The following LHFPL2 variants were observed in gnomAD, a reference collection of about 807,000 sequenced individuals.
The protein encoded by LHFPL2 is LHFPL tetraspan subfamily member 2 protein.
A neutral mutation model predicts 17.5 loss-of-function variants in LHFPL2; 7 were observed. The observed-to-expected ratio is 0.40, with a 90% CI of 0.23 to 0.75. LHFPL2 has a LOEUF of 0.75. Among genes scored for constraint, LHFPL2 ranks in the 30% least tolerant of loss-of-function variants. The pLI, the probability that LHFPL2 is intolerant of heterozygous loss-of-function variation, is 0.37. For synonymous variants in LHFPL2, 134 were observed against 116.2 expected (o/e 1.15, Z -0.99); for missense variants, 241 against 294.8 (o/e 0.82, Z 1.34).
chr5:78,629,980 A>G lies in LHFPL2; in HGVS notation c.-245+2284T>C, dbSNP rs1210814324. Among the ~76,000 whole-genome samples the G allele has an allele frequency of 2.0e-5, 3 of 152,254 alleles. No homozygotes were observed. The East Asian group carries it at 5.8e-4, about 29-fold the overall frequency. On this transcript the variant is annotated intron_variant, in intron 2 of 4. Transcript: ENST00000380345. ...TATTAACAAGTCCAAAACACGTATG[A>G]CAAGTTCAGAAGCTTTAAGGAGATT...
At chr5:78,638,263 G>C (rs1360028467) in intron 1 of LHFPL2, among the ~76,000 whole-genome samples, 1 of 152,176 alleles carries the variant, frequency 6.6e-6, no homozygotes, top group Admixed American at 6.5e-5. Flanking sequence ...GCTGAGGCAG[G>C]AGAATGGTGT....
chr5:78,491,168 AC>A (rs1318748276), intron 4 of LHFPL2: 1 of 152,112 alleles, frequency 6.6e-6, no homozygotes, highest in African/African-American at 2.4e-5. Flanking sequence ...CAGTGTCTCC[AC>A]CCCATCCCAT....
chr5:78,568,431 G>A (rs954466626), intron 2 of LHFPL2, among the ~76,000 whole-genome samples: 2 of 152,088 alleles, frequency 1.3e-5, no homozygotes, highest in Non-Finnish European at 1.5e-5. Context: ...CAGAGAACAC[G>A]GCCCCCACGT....
At chr5:78,519,050 TC>T (rs35808321) in intron 3 of LHFPL2, among the ~76,000 whole-genome samples, 62,721 of 151,654 alleles carry the variant, frequency 0.41, 13,419 homozygotes, top group African/African-American at 0.51. Context: ...GGGAAGTCTG[TC>T]CCATTCTATG....
At chr5:78,490,764 A>AAAAAAAG (rs59222924) in intron 4 of LHFPL2, among the ~76,000 whole-genome samples, 1 of 148,120 alleles carries the variant, frequency 6.8e-6, no homozygotes, top group East Asian at 2.0e-4. Context: ...AAAAAAAAAA[A>AAAAAAAG]GCAAGATACT....
At chr5:78,508,532 C>G (rs1428862) in intron 4 of LHFPL2, among the ~76,000 whole-genome samples, 5 of 152,046 alleles carry the variant, frequency 3.3e-5, no homozygotes, top group African/African-American at 9.7e-5. Context: ...CTCCTAAGAT[C>G]TGAGGAACAG....
chr5:78,629,975 G>A (rs116435143), intron 2 of LHFPL2, among the ~76,000 whole-genome samples: 1,801 of 152,272 alleles, frequency 0.012, 42 homozygotes, highest in African/African-American at 0.041. Context: ...TCCAAAACAC[G>A]TATGACAAGT....
chr5:78,486,089 T>C lies in LHFPL2; in HGVS notation c.*2808A>G, dbSNP rs879287986. 1.3e-5 allele frequency: 2 copies of C among 152,632 alleles called. No individual in the cohort carries two copies. The highest frequency in any genetic ancestry group is 3.4e-3 in the Middle Eastern group (1 of 294). The allele number at this position is 152,632 out of a possible 1,614,324, so 9.5% of individuals were successfully genotyped here. On this transcript the variant is annotated 3_prime_UTR_variant, in exon 5 of 5. Coordinates refer to ENST00000380345, the MANE Select transcript of LHFPL2 (RefSeq NM_005779.3). ...CAAACTTGTGTATGTATAATATACATATATATTTTTAAATATGCTACACAT... is the reference window on the plus strand; with the variant it reads ...CAAACTTGTGTATGTATAATATACACATATATTTTTAAATATGCTACACAT...
At chr5:78,561,672 C>T (rs1392316718) in intron 3 of LHFPL2, among the ~76,000 whole-genome samples, 1 of 152,164 alleles carries the variant, frequency 6.6e-6, no homozygotes, top group East Asian at 1.9e-4. Flanking sequence ...CTTCTTATGT[C>T]CTAGTGAATT....
At chr5:78,554,911 G>A (rs1014281167) in intron 3 of LHFPL2, among the ~76,000 whole-genome samples, 1 of 152,118 alleles carries the variant, frequency 6.6e-6, no homozygotes, top group African/African-American at 2.4e-5. Context: ...ACTTACCCCT[G>A]GGGAAGGATA....
intron 1 of LHFPL2, among the ~76,000 whole-genome samples, chr5:78,633,754 G>A (rs1318339741): frequency 1.3e-5 from 2 of 152,238 alleles, no homozygotes; most frequent in Admixed American, 1.3e-4. Context: ...GGGAGGTGGA[G>A]ATGGGAGTGC....
chr5:78,618,958 C>T (rs1051158274), intron 2 of LHFPL2, among the ~76,000 whole-genome samples: 1 of 152,092 alleles, frequency 6.6e-6, no homozygotes, highest in African/African-American at 2.4e-5. Context: ...TAGAAATAGG[C>T]CATGAGCCCC....
chr5:78,575,746 C>G (rs1561346536), intron 2 of LHFPL2, among the ~76,000 whole-genome samples: 2 of 152,118 alleles, frequency 1.3e-5, no homozygotes, highest in Non-Finnish European at 2.9e-5. Flanking sequence ...GAAAATAACA[C>G]ACACACTACA....
chr5:78,545,616 G>T lies in LHFPL2; in HGVS notation c.-186+19197C>A, dbSNP rs141700503. Among the ~76,000 whole-genome samples the T allele has an allele frequency of 2.9e-3, 445 of 152,292 alleles. 3 individuals are homozygous for T. The highest frequency in any genetic ancestry group is 0.01 in the African/African-American group (427 of 41,546). The stretch of plus-strand genomic sequence containing the variant: ...TGTTTAAAAAGACTTGGTGTGATGC[G>T]TGGAGGCCGATCATTCGAGCCACCT... On this transcript the variant is annotated intron_variant, in intron 3 of 4. Coordinates refer to ENST00000380345, the MANE Select transcript of LHFPL2 (RefSeq NM_005779.3).
intron 1 of LHFPL2, among the ~76,000 whole-genome samples, chr5:78,636,409 T>TC (rs950862088): frequency 6.6e-6 from 1 of 152,092 alleles, no homozygotes; most frequent in African/African-American, 2.4e-5. Flanking sequence ...ATCCAGCTGA[T>TC]CCCCCCACAC....
At chr5:78,498,475 A>T in intron 4 of LHFPL2, among the ~76,000 whole-genome samples, 1 of 152,284 alleles carries the variant, frequency 6.6e-6, no homozygotes, top group Admixed American at 6.5e-5. Context: ...GGCAGCCCCT[A>T]GCAGCTATTT....
intron 3 of LHFPL2, among the ~76,000 whole-genome samples, chr5:78,550,911 C>A (rs976790286): frequency 6.6e-6 from 1 of 152,198 alleles, no homozygotes; most frequent in Non-Finnish European, 1.5e-5. Context: ...GAATGTCTGA[C>A]AAAGGGAATA....
At chr5:78,608,801 G>A (rs896757941) in intron 2 of LHFPL2, among the ~76,000 whole-genome samples, 9 of 151,974 alleles carry the variant, frequency 5.9e-5, no homozygotes, top group East Asian at 1.9e-4. Context: ...GCGCGGTGGC[G>A]GGCGCCTGTG....
At chr5:78,575,931 T>C (rs1424900982) in intron 2 of LHFPL2, among the ~76,000 whole-genome samples, 1 of 152,232 alleles carries the variant, frequency 6.6e-6, no homozygotes, top group Admixed American at 6.5e-5. Context: ...TCTTGCTCTG[T>C]CACCTATGCT....
Sources: allele counts gnomAD v4.1 joint callset (sites outside exome capture counted in the v4.1 genomes callset), GRCh38; gene constraint gnomAD v4.1.1; transcripts MANE v1.5; gene names NCBI Gene and HGNC (gene_info 2026-07-23, HGNC 2026-07-21).